ELL3: variants seen among roughly 807,000 people sequenced by gnomAD.
ELL3 encodes RNA polymerase II elongation factor ELL3.
In ELL3, 48 loss-of-function variants were observed where a neutral mutation model predicts 58.5. The ratio of observed to expected loss-of-function variants is 0.82; its 90% CI spans 0.65 to 1.04. The LOEUF (loss-of-function observed/expected upper bound fraction) is 1.04. ELL3 is among the 50% of genes least tolerant of loss of function. ELL3 has a pLI of 0.00. For missense variants in ELL3, 458 were observed against 478.4 expected, an observed-to-expected ratio of 0.96 and a Z score of 0.40; for synonymous variants, 174 against 173.2, an observed-to-expected ratio of 1.00 and a Z score of -0.04.
intron 2 of ELL3, 64 bp downstream of exon 2, chr15:43,776,445 C>A: frequency 6.4e-7 from 1 of 1,552,578 alleles, no homozygotes; most frequent in Non-Finnish European, 8.7e-7. Context: ...GCACCTTCCA[C>A]CTCCAGCCCA....
chr15:43,773,546 G>T lies in ELL3; in HGVS notation c.1039-198C>A, dbSNP rs559021366. Among the ~76,000 whole-genome samples, 9 of 152,164 alleles carry T rather than the reference G, an allele frequency of 5.9e-5. No homozygotes were observed. The South Asian group carries it at 1.9e-3, about 32-fold the overall frequency. ...AAAAATACAAAAAAATTAGCTGGGC[G>T]TGGTGGCAGGCGCTTGTAGTCTCAG... On this transcript the variant is annotated intron_variant, in intron 9 of 10. Coordinates refer to ENST00000319359, the MANE Select transcript of ELL3 (RefSeq NM_025165.3).
chr15:43,774,760 G>A lies in ELL3; in HGVS notation c.659C>T (p.Pro220Leu), dbSNP rs778180568. The change falls in exon 7 of 11, where the codon CCT (proline) becomes CTT (leucine). Residue 220 changes from proline to leucine, a missense_variant. Coordinates refer to ENST00000319359, the MANE Select transcript of ELL3 (RefSeq NM_025165.3). Reference sequence around the variant, plus strand: ...TTCTTCCAGTTCTACAGTGGCTACAGGCACTGAACGTTTCTGTTGAGGAAA... The same window carrying A: ...TTCTTCCAGTTCTACAGTGGCTACAAGCACTGAACGTTTCTGTTGAGGAAA... ...RKRLDKKRSV[P>L]VATVELEEKR... 1.9e-6 allele frequency: 3 copies of A among 1,601,212 alleles called. No homozygotes were observed. The South Asian group carries it at 3.4e-5, about 18-fold the overall frequency.
At position 43,774,181 on chromosome 15, in the gene ELL3, C is replaced by A; in HGVS notation, c.1038+1G>T. ...AAAGCCAGGCTGGGTCCTGTCCTTA[C>A]CTTGTATTCTGGAGTTCCTCGCCGA... On this transcript the variant is annotated splice_donor_variant, in intron 9 of 10. Coordinates refer to ENST00000319359, the MANE Select transcript of ELL3 (RefSeq NM_025165.3). LOFTEE classifies it high-confidence loss of function. 1 of 1,614,072 alleles carries A rather than the reference C, an allele frequency of 6.2e-7. No individual in the cohort carries two copies. The highest frequency in any genetic ancestry group is 1.7e-5 in the Admixed American group (1 of 60,020).
At position 43,773,186 on chromosome 15, in the gene ELL3, TACTC is replaced by T; in HGVS notation, c.1120_1123del (p.Glu374ThrfsTer46). On this transcript the variant is annotated frameshift_variant, in exon 11 of 11. Transcript: ENST00000319359. LOFTEE classifies it high-confidence loss of function. Reference sequence around the variant, plus strand: ...AATGTGGGACAATTTCTGGTGAAGGTACTCACAGCGACGCTTTTCTTCTCTGTAA... The same window carrying T: ...AATGTGGGACAATTTCTGGTGAAGGTACAGCGACGCTTTTCTTCTCTGTAA... 7 of 1,614,028 alleles carry T rather than the reference TACTC, an allele frequency of 4.3e-6. No individual in the cohort carries two copies. Among genetic ancestry groups the T allele is most frequent in the Non-Finnish European group, 5.9e-6 (7 of 1,179,990 alleles).
Position 43,773,074 on chromosome 15 carries a change from T to A in ELL3, c.*42A>T. On this transcript the variant is annotated 3_prime_UTR_variant, in exon 11 of 11. Transcript: ENST00000319359. ...TTAGTTTATAGCTGCTTTGTTCCTT[T>A]GTGTTTCACTAAGCAGAGGCTCAAA... The A allele has an allele frequency of 1.3e-6, 2 of 1,519,750 alleles. No homozygotes were observed. Among genetic ancestry groups the A allele is most frequent in the South Asian group, 1.2e-5 (1 of 80,586 alleles). The allele number at this position is 1,519,750 out of a possible 1,614,324, so 94.1% of individuals were successfully genotyped here.
chr15:43,775,275 C>G, intron 6 of ELL3, 31 bp downstream of exon 6: 1 of 1,533,318 alleles, frequency 6.5e-7, no homozygotes, highest in Non-Finnish European at 8.8e-7. Flanking sequence ...ATTAATGTTA[C>G]AAAAAAAAAG....
chr15:43,776,548 C>A lies in ELL3; in HGVS notation c.133-4G>T, dbSNP rs758500765. The A allele has an allele frequency of 1.3e-6, 2 of 1,566,484 alleles. No homozygotes were observed. The highest frequency in any genetic ancestry group is 1.4e-5 in the African/African-American group (1 of 74,006). ...GGAAAGCAATCACCGGCCGTACCTG[C>A]GGGGAGAGCGAAGATGTGACCGTTG... On this transcript the variant is annotated splice_polypyrimidine_tract_variant and splice_region_variant and intron_variant, in intron 1 of 10. Transcript: ENST00000319359.
At chr15:43,773,661 G>A (rs1037041322) in intron 9 of ELL3, among the ~76,000 whole-genome samples, 3 of 150,832 alleles carry the variant, frequency 2.0e-5, no homozygotes, top group Non-Finnish European at 4.4e-5. Flanking sequence ...TCACGCTACT[G>A]CACTCCAGCC....
intron 9 of ELL3, among the ~76,000 whole-genome samples, 180 bp from the exon 10 acceptor site, chr15:43,773,528 C>A (rs1166886761): frequency 1.3e-5 from 2 of 151,578 alleles, no homozygotes; most frequent in Admixed American, 6.6e-5. Flanking sequence ...TAAAAAAATA[C>A]AAAAAAATTA....
At chr15:43,776,445 C>T in intron 2 of ELL3, 64 bp downstream of exon 2, 1 of 1,552,578 alleles carries the variant, frequency 6.4e-7, no homozygotes, top group Non-Finnish European at 8.7e-7. Context: ...GCACCTTCCA[C>T]CTCCAGCCCA....
At position 43,772,942 on chromosome 15, in the gene ELL3, C is replaced by G. The variant is rs969105815; in HGVS notation, c.*174G>C. On this transcript the variant is annotated 3_prime_UTR_variant, in exon 11 of 11. Transcript: ENST00000319359. ...GGAGTCTTTGCACAGTGCCCATACCCTAAAAATTAATAATGAAAACCAAAC... is the reference window on the plus strand; with the variant it reads ...GGAGTCTTTGCACAGTGCCCATACCGTAAAAATTAATAATGAAAACCAAAC... The G allele has an allele frequency of 6.5e-6, 4 of 610,706 alleles. No individual in the cohort carries two copies. The highest frequency in any genetic ancestry group is 1.1e-5 in the Non-Finnish European group (4 of 357,924). The allele number at this position is 610,706 out of a possible 1,614,324, so 37.8% of individuals were successfully genotyped here.
At chr15:43,776,401 A>G in intron 2 of ELL3, 108 bp downstream of exon 2, 2 of 1,508,276 alleles carry the variant, frequency 1.3e-6, no homozygotes, top group South Asian at 2.4e-5. Context: ...GAACTACCTC[A>G]GACCGTGACT....
rs760348834 is a variant in ELL3, at chr15:43,775,969, A to G, written c.282-46T>C. ...AAAATAGGAGGGTGGAGACCTCTTAAGCACCTCTCCACATTTCCCTCCCCC... is the reference window on the plus strand; with the variant it reads ...AAAATAGGAGGGTGGAGACCTCTTAGGCACCTCTCCACATTTCCCTCCCCC... On this transcript the variant is annotated intron_variant, in intron 3 of 10. Transcript: ENST00000319359. The G allele has an allele frequency of 8.1e-6, 13 of 1,612,402 alleles. No individual in the cohort carries two copies. In the African/African-American group the frequency reaches 1.2e-4, roughly 15 times the overall value.
At chr15:43,774,417 GA>G (rs2141661062) in intron 8 of ELL3, 58 bp downstream of exon 8, 1 of 1,613,666 alleles carries the variant, frequency 6.2e-7, no homozygotes, top group South Asian at 1.1e-5. Flanking sequence ...CAGCTTCCAG[GA>G]AGTGTATCTT....
Position 43,776,062 on chromosome 15 carries a change from G to A in ELL3, c.258C>T (p.Asp86=). ...CCQEGAGGSL[D]LVCQRFLRSG... The stretch of plus-strand genomic sequence containing the variant: ...ACCTGAGGAAGCGTTGGCACACAAG[G>A]TCCAAGCTACCACCAGCGCCCTCCT... Residue 86 remains aspartate, a synonymous_variant, in exon 3 of 11, where the codon GAC becomes GAT. Transcript: ENST00000319359. The A allele has an allele frequency of 1.2e-6, 2 of 1,614,124 alleles. No individual in the cohort carries two copies. Among genetic ancestry groups the A allele is most frequent in the Non-Finnish European group, 8.5e-7 (1 of 1,180,022 alleles).
intron 9 of ELL3, among the ~76,000 whole-genome samples, chr15:43,773,707 AAAAAG>A (rs926832786): frequency 4.0e-5 from 6 of 151,402 alleles, no homozygotes; most frequent in African/African-American, 1.5e-4. Context: ...AAAAGAAAAA[AAAAAG>A]AGAGAGGGGC....
rs370087770 is a variant in ELL3 at position 43,776,933 on chromosome 15, G to A, written c.-32C>T. On this transcript the variant is annotated 5_prime_UTR_variant, in exon 1 of 11. Transcript: ENST00000319359. ...GAGTTCGAGTGCAAGCAGCACGGGG[G>A]CCACAGGCGAGGGCCACCACCGCCA... 55 of 1,604,914 alleles carry A rather than the reference G, an allele frequency of 3.4e-5. No homozygotes were observed. Among genetic ancestry groups the A allele is most frequent in the Non-Finnish European group, 4.6e-5 (54 of 1,179,134 alleles).
At position 43,772,623 on chromosome 15, in the gene ELL3, T is replaced by A. The variant is rs925010627; in HGVS notation, c.*493A>T. The A allele has an allele frequency of 6.6e-6, 1 of 152,364 alleles. No homozygotes were observed. The highest frequency in any genetic ancestry group is 6.5e-5 in the Admixed American group (1 of 15,292). The allele number at this position is 152,364 out of a possible 1,614,324, so 9.4% of individuals were successfully genotyped here. A position where few individuals can be genotyped will look rare whatever the true frequency, so the allele number is the denominator to read the frequency against. On this transcript the variant is annotated 3_prime_UTR_variant, in exon 11 of 11. Coordinates refer to ENST00000319359, the MANE Select transcript of ELL3 (RefSeq NM_025165.3). ...CAAAGGACACAGAAGCAGTCAGTTT[T>A]AATTTTTTAGCCATGTTGGTAAAAG... is the stretch of plus-strand genomic sequence containing the variant.
rs770656020 is a variant in ELL3 at position 43,776,827 on chromosome 15, T to C, written c.75A>G (p.Leu25=). 2.5e-5 allele frequency: 40 copies of C among 1,612,382 alleles called. No individual in the cohort carries two copies. The South Asian group carries it at 4.4e-4, about 18-fold the overall frequency. The change falls in exon 1 of 11, where the codon TTA becomes TTG. Residue 25 remains leucine, a synonymous_variant. Coordinates refer to ENST00000319359, the MANE Select transcript of ELL3 (RefSeq NM_025165.3). ...GGGCAGCGTCGTTGAGCCTGAGCAG[T>C]AAGAGGCTAGTCCGGGCAGCTTGCG... ...CFTQAARTSL[L]LLRLNDAALR...
Sources: allele counts gnomAD v4.1 joint callset (sites outside exome capture counted in the v4.1 genomes callset), GRCh38; gene constraint gnomAD v4.1.1; transcripts MANE v1.5; gene names NCBI Gene and HGNC (gene_info 2026-07-23, HGNC 2026-07-21).